SLC25A12: variants seen among roughly 807,000 people sequenced by gnomAD.
SLC25A12 encodes solute carrier family 25 member 12.
A neutral mutation model predicts 83.3 loss-of-function variants in SLC25A12; 32 were observed. The observed-to-expected ratio is 0.38, with a 90% CI of 0.29 to 0.52. SLC25A12 has a LOEUF of 0.52. Ranked by LOEUF, SLC25A12 falls within the 20% of genes least tolerant of loss-of-function variation. The pLI is 0.84. For synonymous variants in SLC25A12, 267 were observed against 291.1 expected (o/e 0.92, Z 0.84); for missense variants, 611 against 835.6 (o/e 0.73, Z 3.31).
At chr2:171,833,908 C>A (rs3736499) in intron 8 of SLC25A12, 55 bp downstream of exon 8, 3 of 1,070,422 alleles carry the variant, frequency 2.8e-6, no homozygotes, top group Non-Finnish European at 4.4e-6. Context: ...ACCACTGCTT[C>A]ACATTTTAGA....
chr2:171,823,157 T>C (rs151325918), intron 9 of SLC25A12, among the ~76,000 whole-genome samples: 4 of 152,324 alleles, frequency 2.6e-5, no homozygotes, highest in South Asian at 4.1e-4. Flanking sequence ...AGGCTGAAAA[T>C]TGAAGAAAGT....
At chr2:171,835,088 A>G (rs892711213) in intron 6 of SLC25A12, among the ~76,000 whole-genome samples, 3 of 152,224 alleles carry the variant, frequency 2.0e-5, no homozygotes, top group African/African-American at 7.2e-5. Flanking sequence ...TAACATCTGG[A>G]AGTTGGACTT....
At chr2:171,819,242 ATAC>A (rs1684124084) in intron 9 of SLC25A12, among the ~76,000 whole-genome samples, 1 of 126,502 alleles carries the variant, frequency 7.9e-6, no homozygotes, top group Admixed American at 9.0e-5. Flanking sequence ...TATATAATAT[ATAC>A]TAATATATAT....
At position 171,785,169 on chromosome 2, in the gene SLC25A12, C is replaced by T. The variant is rs1690463766; in HGVS notation, c.*105G>A. Reference sequence around the variant, plus strand: ...GTCATACAGAAAGAAGAGTTTGACTCCTCAGCTCAGTCAGTACCATGCAGC... The same window carrying T: ...GTCATACAGAAAGAAGAGTTTGACTTCTCAGCTCAGTCAGTACCATGCAGC... On this transcript the variant is annotated 3_prime_UTR_variant, in exon 18 of 18. Coordinates refer to ENST00000422440, the MANE Select transcript of SLC25A12 (RefSeq NM_003705.5). 2.0e-6 allele frequency: 2 copies of T among 1,008,960 alleles called. No individual in the cohort carries two copies. Among genetic ancestry groups the T allele is most frequent in the Admixed American group, 1.9e-5 (1 of 53,224 alleles). The allele number at this position is 1,008,960 out of a possible 1,614,324, so 62.5% of individuals were successfully genotyped here.
chr2:171,815,457 AC>A (rs990104084), intron 9 of SLC25A12, among the ~76,000 whole-genome samples: 9 of 152,208 alleles, frequency 5.9e-5, no homozygotes, highest in Admixed American at 4.6e-4. Context: ...CTTCCCACTT[AC>A]CCCAATTTTT....
At chr2:171,815,388 A>C (rs1163869871) in intron 9 of SLC25A12, among the ~76,000 whole-genome samples, 186 bp from the exon 10 acceptor site, 2 of 152,248 alleles carry the variant, frequency 1.3e-5, no homozygotes, top group African/African-American at 4.8e-5. Context: ...CAATGTATTT[A>C]AAAATAGATA....
chr2:171,860,953 A>G (rs150290260), intron 3 of SLC25A12, among the ~76,000 whole-genome samples: 150 of 152,172 alleles, frequency 9.9e-4, no homozygotes, highest in Middle Eastern at 3.4e-3. Context: ...TTAGCTGTGC[A>G]TGAGGCAGGC....
intron 2 of SLC25A12, among the ~76,000 whole-genome samples, chr2:171,886,610 C>G (rs956740150): frequency 6.6e-6 from 1 of 151,688 alleles, no homozygotes; most frequent in Non-Finnish European, 1.5e-5. Context: ...CCCAGGTTCA[C>G]GCCATTCTCC....
At chr2:171,817,091 A>G (rs2105867226) in intron 9 of SLC25A12, among the ~76,000 whole-genome samples, 1 of 152,308 alleles carries the variant, frequency 6.6e-6, no homozygotes, top group Non-Finnish European at 1.5e-5. Context: ...TCTACAGACT[A>G]GGAATAGGGC....
intron 13 of SLC25A12, among the ~76,000 whole-genome samples, chr2:171,802,708 G>C (rs757982507): frequency 6.6e-6 from 1 of 152,124 alleles, no homozygotes; most frequent in Non-Finnish European, 1.5e-5. Context: ...CCCGGGAAGC[G>C]GAGCTTGCAG....
intron 3 of SLC25A12, among the ~76,000 whole-genome samples, chr2:171,861,479 T>C (rs1289114743): frequency 6.6e-6 from 1 of 152,198 alleles, no homozygotes; most frequent in Non-Finnish European, 1.5e-5. Context: ...CAATCAGAGC[T>C]CACTGTAACC....
chr2:171,860,952 C>T (rs531938927), intron 3 of SLC25A12, among the ~76,000 whole-genome samples: 3 of 152,034 alleles, frequency 2.0e-5, no homozygotes, highest in African/African-American at 7.2e-5. Flanking sequence ...ATTAGCTGTG[C>T]ATGAGGCAGG....
chr2:171,785,144 G>T lies in SLC25A12; in HGVS notation c.*130C>A. The stretch of plus-strand genomic sequence containing the variant: ...ATTTTATAAACAAGTATATGTATAT[G>T]TCATACAGAAAGAAGAGTTTGACTC... On this transcript the variant is annotated 3_prime_UTR_variant, in exon 18 of 18. Coordinates refer to ENST00000422440, the MANE Select transcript of SLC25A12 (RefSeq NM_003705.5). The T allele has an allele frequency of 1.2e-6, 1 of 802,394 alleles. No homozygotes were observed. Among genetic ancestry groups the T allele is most frequent in the Non-Finnish European group, 2.1e-6 (1 of 468,760 alleles). The allele number at this position is 802,394 out of a possible 1,614,324, so 49.7% of individuals were successfully genotyped here. A position where few individuals can be genotyped will look rare whatever the true frequency, so the allele number is the denominator to read the frequency against.
intron 14 of SLC25A12, among the ~76,000 whole-genome samples, chr2:171,791,916 A>G (rs1235082729): frequency 6.6e-6 from 1 of 152,190 alleles, no homozygotes; most frequent in Non-Finnish European, 1.5e-5. Context: ...TTTAAAATTA[A>G]TTAATCTCTT....
chr2:171,850,289 T>C (rs952531322), intron 4 of SLC25A12, among the ~76,000 whole-genome samples: 2 of 151,404 alleles, frequency 1.3e-5, no homozygotes, highest in African/African-American at 4.9e-5. Flanking sequence ...CTAATTTTTG[T>C]ATTTTTGCTA....
chr2:171,829,114 A>C (rs550384657), intron 8 of SLC25A12, among the ~76,000 whole-genome samples: 2 of 152,200 alleles, frequency 1.3e-5, no homozygotes, highest in Non-Finnish European at 2.9e-5. Flanking sequence ...CAACCACTGG[A>C]ATCAATTTGA....
intron 13 of SLC25A12, among the ~76,000 whole-genome samples, chr2:171,797,679 AGT>A (rs1683627545): frequency 6.6e-6 from 1 of 152,164 alleles, no homozygotes; most frequent in Non-Finnish European, 1.5e-5. Flanking sequence ...GGTTGGCGTT[AGT>A]TACTGTGGAC....
intron 3 of SLC25A12, among the ~76,000 whole-genome samples, chr2:171,860,074 TATG>T (rs1427451829): frequency 1.3e-5 from 2 of 152,160 alleles, no homozygotes; most frequent in African/African-American, 2.4e-5. Flanking sequence ...TGGCCTTGGA[TATG>T]ATAATGGTTG....
At position 171,786,403 on chromosome 2, in the gene SLC25A12, AAGAG is replaced by A. The variant is rs1198385556; in HGVS notation, c.1836-932_1836-929del. On this transcript the variant is annotated intron_variant, in intron 17 of 17. Coordinates refer to ENST00000422440, the MANE Select transcript of SLC25A12 (RefSeq NM_003705.5). Reference sequence around the variant, plus strand: ...CGTCTAAAAAAAAAAAAAAAAAAAAAAGAGAGAGAGAGAAATAGCTTTAGTTCTT... The same window carrying A: ...CGTCTAAAAAAAAAAAAAAAAAAAAAAGAGAGAGAAATAGCTTTAGTTCTT... 2.7e-4 allele frequency among the ~76,000 whole-genome samples: 39 copies of A among 146,440 alleles called. 1 individual carries two copies. The East Asian group carries it at 6.8e-3, about 25-fold the overall frequency.
Sources: gnomAD v4.1 joint callset for allele counts (sites outside exome capture counted in the v4.1 genomes callset) on GRCh38, gnomAD v4.1.1 for gene constraint, MANE v1.5 for transcripts, NCBI Gene and HGNC (gene_info 2026-07-23, HGNC 2026-07-21) for gene names.